The following ABL1 variants were observed in gnomAD, a reference collection of about 807,000 sequenced individuals.
ABL1 encodes tyrosine-protein kinase ABL1.
In ABL1, 11 loss-of-function variants were observed where a neutral mutation model predicts 94.7. The observed-to-expected ratio is 0.12, with a 90% CI of 0.07 to 0.19. The LOEUF (loss-of-function observed/expected upper bound fraction) is 0.19, where lower values mean the gene tolerates loss of function less well. Ranked by LOEUF, ABL1 falls within the 10% of genes least tolerant of loss-of-function variation. The pLI is 1.00. For synonymous variants in ABL1, 656 were observed against 622.4 expected (o/e 1.05, Z -0.80); for missense variants, 1,082 against 1,489.4 (o/e 0.73, Z 4.50).
Position 130,887,198 on chromosome 9 carries a change from G to A in ABL1, c.*1515G>A, listed in dbSNP as rs571845688. ...CATACCGCCTCGTGCCAGCAGCCTC[G>A]CACAGGCCCTAGCTTTACGCTCATC... On this transcript the variant is annotated 3_prime_UTR_variant, in exon 11 of 11. Transcript: ENST00000318560. The A allele has an allele frequency of 7.7e-5, 18 of 233,058 alleles. 1 individual carries two copies. Among genetic ancestry groups the A allele is most frequent in the East Asian group, 6.0e-5 (1 of 16,538 alleles). The allele number at this position is 233,058 out of a possible 1,614,324, so 14.4% of individuals were successfully genotyped here. A position where few individuals can be genotyped will look rare whatever the true frequency, so the allele number is the denominator to read the frequency against.
intron 1 of ABL1, among the ~76,000 whole-genome samples, chr9:130,779,713 A>C (rs1381093548): frequency 1.3e-5 from 2 of 152,204 alleles, no homozygotes. Context: ...ATGCCATATA[A>C]GTAACGTGTT....
At chr9:130,724,385 T>TGTTA (rs976814725) in intron 1 of ABL1, among the ~76,000 whole-genome samples, 32 of 152,354 alleles carry the variant, frequency 2.1e-4, no homozygotes, top group African/African-American at 7.7e-4. Flanking sequence ...AGCTAACTTA[T>TGTTA]TTTCTTATGT....
intron 1 of ABL1, among the ~76,000 whole-genome samples, chr9:130,752,744 A>G (rs1212394126): frequency 6.7e-6 from 1 of 148,724 alleles, no homozygotes; most frequent in Non-Finnish European, 1.5e-5. Flanking sequence ...AGATCACTGG[A>G]GGCCAGGAGT....
intron 1 of ABL1, among the ~76,000 whole-genome samples, chr9:130,777,434 G>T (rs1018540863): frequency 1.7e-4 from 26 of 150,880 alleles, no homozygotes; most frequent in Admixed American, 1.7e-3. Flanking sequence ...CAGGGGAATC[G>T]AGGAACCTCT....
intron 1 of ABL1, among the ~76,000 whole-genome samples, chr9:130,735,955 A>ATTTTTTTTT (rs1365601952): frequency 2.4e-5 from 1 of 41,498 alleles, no homozygotes; most frequent in African/African-American, 1.5e-4. Flanking sequence ...ATATATATAT[A>ATTTTTTTTT]TATATATTTT....
chr9:130,880,022 C>T lies in ABL1; in HGVS notation c.1424-46C>T. 1 of 1,563,532 alleles carries T rather than the reference C, an allele frequency of 6.4e-7. No homozygotes were observed. ...CTTGAGAACTGCTAGCCCCGTATTG[C>T]TAGCCAGATCTCATGGATGATCTGA... On this transcript the variant is annotated intron_variant, in intron 8 of 10. Transcript: ENST00000318560. The surrounding 1 kb of genome is among the most constrained non-coding windows in gnomAD (Gnocchi z 4.4).
At chr9:130,735,643 CT>C (rs889288409) in intron 1 of ABL1, among the ~76,000 whole-genome samples, 1 of 151,696 alleles carries the variant, frequency 6.6e-6, no homozygotes, top group Non-Finnish European at 1.5e-5. Flanking sequence ...TATCTTCCTT[CT>C]TTTTATGGCT....
chr9:130,842,464 C>G (rs1482656680), intron 1 of ABL1, among the ~76,000 whole-genome samples: 1 of 152,152 alleles, frequency 6.6e-6, no homozygotes, highest in Non-Finnish European at 1.5e-5. Flanking sequence ...TAGCGTTGTT[C>G]ATTGAATACC....
At chr9:130,734,723 T>C (rs1221664668) in intron 1 of ABL1, among the ~76,000 whole-genome samples, 1 of 151,672 alleles carries the variant, frequency 6.6e-6, no homozygotes, top group Non-Finnish European at 1.5e-5. Flanking sequence ...AGTTTAGCCA[T>C]ATTGGCTAGG....
At chr9:130,785,757 T>C (rs1310780847) in intron 1 of ABL1, among the ~76,000 whole-genome samples, 1 of 151,766 alleles carries the variant, frequency 6.6e-6, no homozygotes, top group African/African-American at 2.4e-5. Flanking sequence ...ACCCCGTCTC[T>C]ACTAAAAATA....
chr9:130,809,693 G>C (rs985115213), intron 1 of ABL1, among the ~76,000 whole-genome samples: 2 of 152,186 alleles, frequency 1.3e-5, no homozygotes, highest in Non-Finnish European at 2.9e-5. Context: ...ACTCAGGAAA[G>C]GGTCAGATTT....
intron 1 of ABL1, among the ~76,000 whole-genome samples, chr9:130,774,874 G>C (rs1832293857): frequency 6.6e-6 from 1 of 151,884 alleles, no homozygotes; most frequent in South Asian, 2.1e-4. Context: ...GTTAGAAAGT[G>C]GGGGAGGGAG....
intron 1 of ABL1, among the ~76,000 whole-genome samples, chr9:130,783,301 T>C (rs1829782089): frequency 6.6e-6 from 1 of 152,202 alleles, no homozygotes; most frequent in African/African-American, 2.4e-5. Context: ...ATGTGAACTC[T>C]GGAGACCTGA....
chr9:130,867,130 T>C (rs1044290059), intron 4 of ABL1, among the ~76,000 whole-genome samples: 1 of 152,256 alleles, frequency 6.6e-6, no homozygotes, highest in African/African-American at 2.4e-5. Context: ...CTGACAAATT[T>C]ACTACTTAAA....
In ABL1 at chr9:130,835,404, G is replaced by C. The variant is rs760366614; in HGVS notation, c.-43G>C. ...GGCCTGAGCCGGGCCCGCGGACCGAGCTGGGAGAGGGGTTCCGGCCCCCGA... is the reference window on the plus strand; with the variant it reads ...GGCCTGAGCCGGGCCCGCGGACCGACCTGGGAGAGGGGTTCCGGCCCCCGA... On this transcript the variant is annotated 5_prime_UTR_variant, in exon 1 of 11. Coordinates refer to ENST00000318560, the MANE Select transcript of ABL1 (RefSeq NM_005157.6). This position sits in a 1 kb window ranked among gnomAD's most constrained non-coding sequence, Gnocchi z 4.6. The C allele has an allele frequency of 2.1e-6, 3 of 1,413,706 alleles. No individual in the cohort carries two copies. Among genetic ancestry groups the C allele is most frequent in the African/African-American group, 3.3e-5 (2 of 60,690 alleles). 87.6% of individuals were successfully genotyped at this position (1,413,706 alleles called of 1,614,324 possible).
chr9:130,861,203 T>A (rs1831065849), intron 3 of ABL1, among the ~76,000 whole-genome samples: 1 of 152,188 alleles, frequency 6.6e-6, no homozygotes, highest in South Asian at 2.1e-4. Flanking sequence ...TTGAGCAAGT[T>A]CCCCAGAGTG....
At position 130,865,617 on chromosome 9, in the gene ABL1, G is replaced by A. The variant is rs116380773; in HGVS notation, c.822+2582G>A. On this transcript the variant is annotated intron_variant, in intron 4 of 10. Coordinates refer to ENST00000318560, the MANE Select transcript of ABL1 (RefSeq NM_005157.6). ...CCAAAAATCAGCCAGGCGTGGTGGTGCGTGTGTATTCCTAGCTACTTGGGA... is the reference window on the plus strand; with the variant it reads ...CCAAAAATCAGCCAGGCGTGGTGGTACGTGTGTATTCCTAGCTACTTGGGA... Among the ~76,000 whole-genome samples the A allele has an allele frequency of 8.7e-4, 133 of 152,112 alleles. 1 individual carries two copies. The highest frequency in any genetic ancestry group is 2.7e-3 in the African/African-American group (110 of 41,494).
chr9:130,859,751 G>A (rs1320918749), intron 3 of ABL1, among the ~76,000 whole-genome samples: 2 of 136,454 alleles, frequency 1.5e-5, no homozygotes, highest in African/African-American at 5.8e-5. Context: ...CACAATCTCG[G>A]CTCATTGCAA....
intron 4 of ABL1, among the ~76,000 whole-genome samples, chr9:130,870,557 C>G (rs1198859064): frequency 6.6e-6 from 1 of 152,164 alleles, no homozygotes; most frequent in Non-Finnish European, 1.5e-5. Flanking sequence ...CACTGTCCAG[C>G]CTTTGACATT....
Sources: allele counts gnomAD v4.1 joint callset (sites outside exome capture counted in the v4.1 genomes callset), GRCh38; gene constraint gnomAD v4.1.1; non-coding constraint Gnocchi (gnomAD v3.1); transcripts MANE v1.5; gene names NCBI Gene and HGNC (gene_info 2026-07-23, HGNC 2026-07-21).